ZNF547: variants seen among roughly 807,000 people sequenced by gnomAD.
ZNF547 encodes zinc finger protein 547.
ZNF547 carries 4 observed loss-of-function variants against 7.7 expected under a neutral mutation model. The ratio of observed to expected loss-of-function variants is 0.52; its 90% CI spans 0.26 to 1.20. The LOEUF (loss-of-function observed/expected upper bound fraction) is 1.20, where lower values mean the gene tolerates loss of function less well. Ranked by LOEUF, ZNF547 falls within the 50% of genes most tolerant of loss-of-function variation. The pLI is 0.14. For missense variants in ZNF547, 449 were observed against 485.8 expected (o/e 0.92, Z 0.71); for synonymous variants, 166 against 166.2 (o/e 1.00, Z 0.01).
intron 1 of ZNF547, chr19:57,364,609 C>T (rs1162921126): frequency 2.9e-5 from 17 of 586,062 alleles, no homozygotes; most frequent in African/African-American, 1.5e-4. Context: ...GGGGTGGTGA[C>T]GCGCGCCTGT....
At chr19:57,371,673 T>G in intron 2 of ZNF547, 109 bp from the exon 3 acceptor site, 1 of 1,473,978 alleles carries the variant, frequency 6.8e-7, no homozygotes, top group East Asian at 2.3e-5. Context: ...TAGCTGTTAG[T>G]TTGTCCCTGT....
At chr19:57,366,021 C>T (rs548427833) in intron 1 of ZNF547, among the ~76,000 whole-genome samples, 14 of 149,744 alleles carry the variant, frequency 9.3e-5, no homozygotes, top group Admixed American at 8.7e-4. Context: ...TGCACCACCA[C>T]GCCTGGCTAA....
intron 3 of ZNF547, among the ~76,000 whole-genome samples, chr19:57,375,115 C>A (rs926801911): frequency 1.3e-4 from 20 of 152,088 alleles, no homozygotes; most frequent in African/African-American, 4.6e-4. Context: ...CTTTGGGAGG[C>A]TGGGGCAGGT....
chr19:57,376,611 G>A (rs1436328208), intron 3 of ZNF547, among the ~76,000 whole-genome samples: 1 of 152,066 alleles, frequency 6.6e-6, no homozygotes, highest in Non-Finnish European at 1.5e-5. Flanking sequence ...CCTTCCTCTG[G>A]AGCCTCAGTA....
chr19:57,371,588 C>T (rs2088504600), intron 2 of ZNF547, 194 bp from the exon 3 acceptor site: 4 of 811,620 alleles, frequency 4.9e-6, no homozygotes, highest in Admixed American at 6.1e-5. Context: ...GAAATACTGA[C>T]TTGGTTTGAG....
rs2088437850 is a variant in ZNF547, at chr19:57,363,664, C to G, written c.-52C>G. 6.5e-6 allele frequency: 1 copy of G among 153,302 alleles called. No homozygotes were observed. The highest frequency in any genetic ancestry group is 1.8e-4 in the South Asian group (1 of 5,684). The allele number at this position is 153,302 out of a possible 1,614,324, so 9.5% of individuals were successfully genotyped here. On this transcript the variant is annotated 5_prime_UTR_variant, in exon 1 of 4. Coordinates refer to ENST00000282282, the MANE Select transcript of ZNF547 (RefSeq NM_173631.4). ...CCTTTGTCGCCCCCGCCCCTCTCTT[C>G]CCTGGCTGGACTTGCGGAGTCCCCG...
In ZNF547 at chr19:57,371,852, A is replaced by G. The variant is rs2088506813; in HGVS notation, c.95A>G (p.Gln32Arg). 6.2e-7 allele frequency: 1 copy of G among 1,613,728 alleles called. No individual in the cohort carries two copies. Among genetic ancestry groups the G allele is most frequent in the African/African-American group, 1.3e-5 (1 of 74,912 alleles). The change falls in exon 3 of 4, where the codon CAG (glutamine) becomes CGG (arginine). Residue 32 changes from glutamine to arginine, a missense_variant. Transcript: ENST00000282282. ...QEEWGHLDEA[Q>R]RLLYRDVMLE... The stretch of plus-strand genomic sequence containing the variant: ...GAGTGGGGGCATCTCGATGAGGCTC[A>G]GAGATTGCTGTACCGTGATGTGATG...
At chr19:57,367,415 G>A (rs2088477375) in intron 1 of ZNF547, among the ~76,000 whole-genome samples, 1 of 147,562 alleles carries the variant, frequency 6.8e-6, no homozygotes, top group Non-Finnish European at 1.5e-5. Context: ...TTTCTTAAAT[G>A]GTTTGTTCAA....
intron 3 of ZNF547, 73 bp downstream of exon 3, chr19:57,371,981 G>A (rs544394002): frequency 3.6e-5 from 54 of 1,487,472 alleles, no homozygotes; most frequent in East Asian, 1.4e-4. Flanking sequence ...GCAGCTCTGC[G>A]TTTCCCACAG....
At chr19:57,370,605 A>T (rs959336289) in intron 2 of ZNF547, among the ~76,000 whole-genome samples, 1 of 152,046 alleles carries the variant, frequency 6.6e-6, no homozygotes, top group Admixed American at 6.5e-5. Flanking sequence ...GTGTGAATGG[A>T]GGGCCTCAGG....
In ZNF547 at chr19:57,377,704, G is replaced by A. The variant is rs141614487; in HGVS notation, c.728G>A (p.Ser243Asn). The A allele has an allele frequency of 9.2e-3, 14,768 of 1,613,914 alleles. 86 individuals are homozygous for A. The highest frequency in any genetic ancestry group is 0.011 in the Non-Finnish European group (13,395 of 1,179,980). Residue 243 changes from serine to asparagine, a missense_variant, in exon 4 of 4, where the codon AGT (serine) becomes AAT (asparagine). By Grantham distance (46) the Ser-to-Asn change is conservative (BLOSUM62 1). Transcript: ENST00000282282. ...TCTGGAGAAAGGCCTTATGAGTGCA[G>A]TGAATGTGGGAAATTGTTTATGTGG... ...IHSGERPYEC[S>N]ECGKLFMWSS... is the part of the protein sequence containing the mutation.
rs1168438378 is a variant in ZNF547 at position 57,377,232 on chromosome 19, A to T, written c.256A>T (p.Thr86Ser). The change falls in exon 4 of 4, where the codon ACC (threonine) becomes TCC (serine). Residue 86 changes from threonine (T) to serine (S), a missense_variant. Transcript: ENST00000282282. ...APKPCLSTQN[T>S]QPCETCSSLL... is the part of the protein sequence containing the mutation. ...AAAGCCCTGTCTATCTACCCAGAAT[A>T]CCCAGCCCTGTGAGACATGTAGCTC... 5 of 1,613,962 alleles carry T rather than the reference A, an allele frequency of 3.1e-6. No homozygotes were observed. In the African/African-American group the frequency reaches 6.7e-5, roughly 22 times the overall value.
At chr19:57,370,126 C>T (rs1267090172) in intron 2 of ZNF547, among the ~76,000 whole-genome samples, 2 of 151,940 alleles carry the variant, frequency 1.3e-5, no homozygotes, top group Non-Finnish European at 2.9e-5. Flanking sequence ...CTCCTGACCT[C>T]GTGATCCATC....
intron 1 of ZNF547, among the ~76,000 whole-genome samples, chr19:57,367,253 A>G (rs2088476645): frequency 6.6e-6 from 1 of 152,198 alleles, no homozygotes; most frequent in Non-Finnish European, 1.5e-5. Context: ...GTAAAATAGT[A>G]AATGTCCATT....
chr19:57,364,667 G>A (rs1402255497), intron 1 of ZNF547: 2 of 636,538 alleles, frequency 3.1e-6, no homozygotes, highest in African/African-American at 1.8e-5. Flanking sequence ...CCTGAACCCA[G>A]GAGGTGGAGA....
At position 57,378,041 on chromosome 19, in the gene ZNF547, T is replaced by A. The variant is rs777662056; in HGVS notation, c.1065T>A (p.Ser355Arg). ...CTGGAGAACGGCCTTATGAATGCAG[T>A]GAGTGTGGGAAGGCCTTCCTTACAA... ...VHTGERPYEC[S>R]ECGKAFLTKS... is the part of the protein sequence containing the mutation. Residue 355 changes from serine to arginine, a missense_variant, in exon 4 of 4, where the codon AGT (serine) becomes AGA (arginine). Coordinates refer to ENST00000282282, the MANE Select transcript of ZNF547 (RefSeq NM_173631.4). 6.2e-7 allele frequency: 1 copy of A among 1,614,190 alleles called. No individual in the cohort carries two copies. The highest frequency in any genetic ancestry group is 2.2e-5 in the East Asian group (1 of 44,882).
At chr19:57,368,858 G>A (rs888104230) in intron 2 of ZNF547, among the ~76,000 whole-genome samples, 2 of 152,196 alleles carry the variant, frequency 1.3e-5, no homozygotes, top group Non-Finnish European at 2.9e-5. Flanking sequence ...CTGTCAGAGT[G>A]TCATGGGCAC....
chr19:57,368,614 T>G (rs1316023671), intron 2 of ZNF547, 35 bp downstream of exon 2: 1 of 1,610,622 alleles, frequency 6.2e-7, no homozygotes, highest in Admixed American at 1.7e-5. Flanking sequence ...CACCTACCAG[T>G]TATCTCATAG....
Position 57,371,920 on chromosome 19 carries a change from A to G in ZNF547, c.151+12A>G, listed in dbSNP as rs1408887320. 6.3e-7 allele frequency: 1 copy of G among 1,589,294 alleles called. No homozygotes were observed. Among genetic ancestry groups the G allele is most frequent in the South Asian group, 1.1e-5 (1 of 87,760 alleles). ...TTTGTCCTCACTAGGTAAGGCCCTC[A>G]CACTTGCCCAGTGTCCTGGGTTGGG... is the stretch of plus-strand genomic sequence containing the variant. On this transcript the variant is annotated intron_variant, in intron 3 of 3. Coordinates refer to ENST00000282282, the MANE Select transcript of ZNF547 (RefSeq NM_173631.4).
Sources: allele counts gnomAD v4.1 joint callset (sites outside exome capture counted in the v4.1 genomes callset), GRCh38; gene constraint gnomAD v4.1.1; transcripts MANE v1.5; gene names NCBI Gene and HGNC (gene_info 2026-07-23, HGNC 2026-07-21).